The following MAN2A1 variants were observed in gnomAD, a reference collection of about 807,000 sequenced individuals.
MAN2A1 encodes the protein mannosidase alpha class 2A member 1.
In MAN2A1, 76 loss-of-function variants were observed where a neutral mutation model predicts 142.6. The ratio of observed to expected loss-of-function variants is 0.53; its 90% CI spans 0.44 to 0.65. The LOEUF (loss-of-function observed/expected upper bound fraction) is 0.65, where lower values mean the gene tolerates loss of function less well. Among genes scored for constraint, MAN2A1 ranks in the 30% least tolerant of loss-of-function variants. The probability of loss-of-function intolerance (pLI) is 0.00; values close to 1 mark genes in which losing one functional copy is unlikely to be tolerated. For missense variants in MAN2A1, 1,311 were observed against 1,365.1 expected, an observed-to-expected ratio of 0.96 and a Z score of 0.62; for synonymous variants, 559 against 473.2, an observed-to-expected ratio of 1.18 and a Z score of -2.35.
intron 12 of MAN2A1, among the ~76,000 whole-genome samples, chr5:109,804,630 C>G (rs1161858227): frequency 6.6e-6 from 1 of 152,012 alleles, no homozygotes. Context: ...AATATTGTTT[C>G]TAAAAATACT....
intron 12 of MAN2A1, 116 bp from the exon 13 acceptor site, chr5:109,817,157 C>T (rs1458174702): frequency 2.5e-5 from 24 of 959,980 alleles, no homozygotes; most frequent in East Asian, 1.1e-4. Context: ...CAGAGTGAGA[C>T]GCTATCTCAA....
intron 12 of MAN2A1, among the ~76,000 whole-genome samples, chr5:109,797,905 G>T (rs1338454270): frequency 6.6e-6 from 1 of 152,162 alleles, no homozygotes; most frequent in Non-Finnish European, 1.5e-5. Flanking sequence ...TCTTTCATAT[G>T]TGAAGGTAGT....
At chr5:109,837,973 A>T (rs1561537392) in intron 16 of MAN2A1, among the ~76,000 whole-genome samples, 1 of 151,958 alleles carries the variant, frequency 6.6e-6, no homozygotes, top group Non-Finnish European at 1.5e-5. Context: ...CTTACCATGT[A>T]CCCCAAATGT....
intron 2 of MAN2A1, among the ~76,000 whole-genome samples, chr5:109,714,027 A>C (rs2112562763): frequency 6.6e-6 from 1 of 152,130 alleles, no homozygotes; most frequent in East Asian, 1.9e-4. Context: ...TATGCTTTTC[A>C]GGTCTTATTT....
At chr5:109,704,699 G>A (rs141181624) in intron 1 of MAN2A1, among the ~76,000 whole-genome samples, 29 of 152,302 alleles carry the variant, frequency 1.9e-4, no homozygotes, top group Admixed American at 9.2e-4. Flanking sequence ...ATTGAATAGT[G>A]GTTGACTGAC....
chr5:109,780,460 G>A (rs1045844433), intron 8 of MAN2A1, among the ~76,000 whole-genome samples: 2 of 151,730 alleles, frequency 1.3e-5, no homozygotes, highest in African/African-American at 4.8e-5. Context: ...GGTAGAGATG[G>A]AATTCAAAGC....
intron 16 of MAN2A1, among the ~76,000 whole-genome samples, chr5:109,839,025 G>T (rs1481882208): frequency 6.6e-6 from 1 of 152,090 alleles, no homozygotes; most frequent in African/African-American, 2.4e-5. Context: ...TTCATTTCAT[G>T]TATTCTGTTG....
chr5:109,729,315 T>G (rs1322509361), intron 3 of MAN2A1, 27 bp from the exon 4 acceptor site: 3 of 1,515,074 alleles, frequency 2.0e-6, no homozygotes, highest in African/African-American at 2.8e-5. Context: ...AATTAGACCT[T>G]TGTGGTATAT....
At chr5:109,814,650 G>A (rs190020134) in intron 12 of MAN2A1, among the ~76,000 whole-genome samples, 39 of 152,120 alleles carry the variant, frequency 2.6e-4, no homozygotes, top group East Asian at 5.8e-4. Flanking sequence ...TAGAAACATC[G>A]TTATGGTCAA....
chr5:109,757,175 T>C (rs1752710632), intron 5 of MAN2A1, among the ~76,000 whole-genome samples: 1 of 152,184 alleles, frequency 6.6e-6, no homozygotes, highest in Non-Finnish European at 1.5e-5. Flanking sequence ...ACCTGTGATT[T>C]TTCTTAACAA....
chr5:109,711,235 C>T (rs775056509), intron 1 of MAN2A1, among the ~76,000 whole-genome samples: 31 of 152,202 alleles, frequency 2.0e-4, no homozygotes, highest in Non-Finnish European at 4.1e-4. Context: ...TCAACATGTT[C>T]TAATACTGCT....
intron 12 of MAN2A1, among the ~76,000 whole-genome samples, chr5:109,809,979 T>G (rs1483256495): frequency 6.6e-6 from 1 of 152,118 alleles, no homozygotes; most frequent in African/African-American, 2.4e-5. Flanking sequence ...GAGTTAAATA[T>G]ATTTATTCTG....
At position 109,729,390 on chromosome 5, in the gene MAN2A1, T is replaced by A. The variant is rs747153959; in HGVS notation, c.584T>A (p.Ile195Asn). 1.5e-5 allele frequency: 24 copies of A among 1,605,602 alleles called. No individual in the cohort carries two copies. In the Admixed American group the frequency reaches 4.0e-4, roughly 27 times the overall value. Residue 195 changes from isoleucine to asparagine, a missense_variant, in exon 4 of 22, where the codon ATT (isoleucine) becomes AAT (asparagine). Around this residue, in one of 3 missense-constraint regions of MAN2A1, gnomAD observed 409 missense variants for 412.7 expected, o/e 0.99. Transcript: ENST00000261483. ...NDYFRDKTQY[I>N]FNNMVLKLKE... ...TACTTTAGAGACAAGACTCAGTATATTTTTAATAACATGGTCCTAAAGCTG... is the reference window on the plus strand; with the variant it reads ...TACTTTAGAGACAAGACTCAGTATAATTTTAATAACATGGTCCTAAAGCTG...
chr5:109,713,657 A>G lies in MAN2A1; in HGVS notation c.273A>G (p.Gln91=), dbSNP rs776077070. The G allele has an allele frequency of 4.8e-5, 77 of 1,614,112 alleles. No individual in the cohort carries two copies. The highest frequency in any genetic ancestry group is 6.1e-5 in the Non-Finnish European group (72 of 1,180,050). ...TGGAGGATGGTCCGAAAAGTTCACA[A>G]AGCAATTTCAGCCAAGGTGCTGGCT... ...ESVEDGPKSS[Q]SNFSQGAGSH... Residue 91 remains glutamine, a synonymous_variant, in exon 2 of 22, where the codon CAA becomes CAG. Transcript: ENST00000261483.
At chr5:109,860,668 T>G (rs1755732498) in intron 20 of MAN2A1, among the ~76,000 whole-genome samples, 1 of 152,206 alleles carries the variant, frequency 6.6e-6, no homozygotes, top group Admixed American at 6.5e-5. Context: ...AACTCACATC[T>G]TAAGATCTTC....
At chr5:109,749,307 G>A (rs1428645692) in intron 4 of MAN2A1, among the ~76,000 whole-genome samples, 2 of 152,104 alleles carry the variant, frequency 1.3e-5, no homozygotes, top group African/African-American at 4.8e-5. Flanking sequence ...AAAATGATTT[G>A]CAGCTTGTTG....
chr5:109,719,755 A>G (rs1751552157), intron 3 of MAN2A1, among the ~76,000 whole-genome samples: 1 of 152,180 alleles, frequency 6.6e-6, no homozygotes, highest in South Asian at 2.1e-4. Flanking sequence ...GTTTTTCTAT[A>G]TATAGATATT....
chr5:109,823,983 A>G (rs1754696388), intron 16 of MAN2A1, 146 bp downstream of exon 16: 2 of 500,912 alleles, frequency 4.0e-6, no homozygotes, highest in Non-Finnish European at 7.0e-6. Flanking sequence ...TAAAATATGA[A>G]ACTTACCCTT....
At chr5:109,857,255 T>C (rs933987862) in intron 20 of MAN2A1, among the ~76,000 whole-genome samples, 1 of 152,216 alleles carries the variant, frequency 6.6e-6, no homozygotes, top group African/African-American at 2.4e-5. Flanking sequence ...TGTCTGCACA[T>C]AGGATCTCAA....
Sources: allele counts gnomAD v4.1 joint callset (sites outside exome capture counted in the v4.1 genomes callset), GRCh38; gene constraint gnomAD v4.1.1; regional missense constraint gnomAD v4.1.1; transcripts MANE v1.5; gene names NCBI Gene and HGNC (gene_info 2026-07-23, HGNC 2026-07-21).